Variants in CNTNAP2 observed in about 807,000 individuals in gnomAD.
The protein encoded by CNTNAP2 is contactin-associated protein-like 2.
CNTNAP2 carries 98 observed loss-of-function variants against 155.2 expected under a neutral mutation model. The observed-to-expected ratio is 0.63, with a 90% CI of 0.54 to 0.75. The LOEUF (loss-of-function observed/expected upper bound fraction) is 0.75. Ranked by LOEUF, CNTNAP2 falls within the 30% of genes least tolerant of loss-of-function variation. The pLI is 0.00. For missense variants in CNTNAP2, 1,727 were observed against 1,688.1 expected (o/e 1.02, Z -0.40); for synonymous variants, 651 against 631.2 (o/e 1.03, Z -0.47).
intron 1 of CNTNAP2, among the ~76,000 whole-genome samples, chr7:146,376,236 GA>G (rs944339815): frequency 5.9e-5 from 9 of 152,112 alleles, no homozygotes; most frequent in South Asian, 2.1e-4. Flanking sequence ...ATACAATGGG[GA>G]AAAAAATTGT....
chr7:146,912,574 A>C (rs1013719801), intron 3 of CNTNAP2, among the ~76,000 whole-genome samples: 2 of 152,092 alleles, frequency 1.3e-5, no homozygotes, highest in African/African-American at 4.8e-5. Flanking sequence ...TTTATATTCA[A>C]ATACCTGTAG....
intron 13 of CNTNAP2, among the ~76,000 whole-genome samples, chr7:147,865,474 A>G (rs1799211046): frequency 6.6e-6 from 1 of 151,960 alleles, no homozygotes; most frequent in South Asian, 2.1e-4. Context: ...TTCTTTTTCT[A>G]TTGATTGGAA....
chr7:147,666,094 C>T (rs530382620), intron 13 of CNTNAP2, among the ~76,000 whole-genome samples: 10 of 152,162 alleles, frequency 6.6e-5, no homozygotes, highest in East Asian at 1.9e-4. Context: ...AGCTGTAGGA[C>T]GAAAGCAGAA....
chr7:148,218,975 G>A (rs568820745), intron 19 of CNTNAP2, among the ~76,000 whole-genome samples: 4 of 117,480 alleles, frequency 3.4e-5, no homozygotes, highest in Admixed American at 1.2e-4. Flanking sequence ...ATGGAGTCTC[G>A]CTCCATCACC....
intron 21 of CNTNAP2, among the ~76,000 whole-genome samples, chr7:148,295,734 A>G (rs536248033): frequency 0.058 from 8,822 of 151,604 alleles, 336 homozygotes; most frequent in African/African-American, 0.11. Context: ...CTCGTGATCC[A>G]TCCGCCTCGG....
At chr7:148,014,330 T>C (rs1394801986) in intron 15 of CNTNAP2, 1 of 151,848 alleles carries the variant, frequency 6.6e-6, no homozygotes, top group East Asian at 1.9e-4. Flanking sequence ...ATGGGCTTTT[T>C]ACCGCTTTGA....
chr7:146,473,457 A>T (rs1047903736), intron 1 of CNTNAP2, among the ~76,000 whole-genome samples: 4 of 152,052 alleles, frequency 2.6e-5, no homozygotes, highest in African/African-American at 7.2e-5. Context: ...ACTTCAAAAC[A>T]GCCCACTTCT....
intron 1 of CNTNAP2, among the ~76,000 whole-genome samples, chr7:146,380,109 T>A (rs1795359966): frequency 6.6e-6 from 1 of 152,198 alleles, no homozygotes; most frequent in Non-Finnish European, 1.5e-5. Flanking sequence ...ACTTCTTAAA[T>A]GAAAATAAAA....
At chr7:146,670,478 A>T (rs1352333081) in intron 1 of CNTNAP2, among the ~76,000 whole-genome samples, 1 of 152,196 alleles carries the variant, frequency 6.6e-6, no homozygotes, top group Non-Finnish European at 1.5e-5. Context: ...TAGCAAAAAA[A>T]AAGTTTTAAA....
intron 1 of CNTNAP2, among the ~76,000 whole-genome samples, chr7:146,499,899 T>C (rs1487402587): frequency 2.0e-5 from 3 of 152,218 alleles, no homozygotes; most frequent in African/African-American, 7.2e-5. Flanking sequence ...TTTAGCAACA[T>C]TTTGCAGTTT....
intron 13 of CNTNAP2, among the ~76,000 whole-genome samples, chr7:147,678,119 C>G (rs913108693): frequency 4.6e-5 from 7 of 151,806 alleles, no homozygotes; most frequent in African/African-American, 1.7e-4. Context: ...TACTAACTGG[C>G]AGTTCCTTTC....
rs115773306 is a variant in CNTNAP2 at position 146,570,761 on chromosome 7, T to C, written c.98-203510T>C. ...TGTATGAAGAGTAATAATAATGATA[T>C]TAGAACAAAATGTAATTTCCTATCA... is the stretch of plus-strand genomic sequence containing the variant. On this transcript the variant is annotated intron_variant, in intron 1 of 23. Transcript: ENST00000361727. Among the ~76,000 whole-genome samples, 1,309 of 152,074 alleles carry C rather than the reference T, an allele frequency of 8.6e-3. 12 individuals are homozygous for C. The highest frequency in any genetic ancestry group is 0.03 in the African/African-American group (1,242 of 41,524).
chr7:148,262,522 G>A (rs1236024630), intron 20 of CNTNAP2, among the ~76,000 whole-genome samples: 1 of 152,066 alleles, frequency 6.6e-6, no homozygotes, highest in Non-Finnish European at 1.5e-5. Flanking sequence ...CTGTTTCCTT[G>A]CCTTTCTCAG....
intron 3 of CNTNAP2, among the ~76,000 whole-genome samples, chr7:146,856,368 G>A (rs1367766034): frequency 6.6e-6 from 1 of 151,890 alleles, no homozygotes; most frequent in Non-Finnish European, 1.5e-5. Context: ...TAGATAAAAT[G>A]AGGCAGAAGA....
intron 13 of CNTNAP2, among the ~76,000 whole-genome samples, chr7:147,797,509 T>TC (rs1036363300): frequency 3.6e-4 from 55 of 152,168 alleles, no homozygotes; most frequent in African/African-American, 1.2e-3. Flanking sequence ...TCTGCCAGCA[T>TC]CCCCCCAATA....
At chr7:146,280,331 C>T (rs377056476) in intron 1 of CNTNAP2, among the ~76,000 whole-genome samples, 7 of 152,108 alleles carry the variant, frequency 4.6e-5, no homozygotes, top group African/African-American at 1.4e-4. Context: ...GTAGTTGATA[C>T]GAACTTTTAT....
At chr7:146,267,065 A>T (rs960111928) in intron 1 of CNTNAP2, among the ~76,000 whole-genome samples, 2 of 152,136 alleles carry the variant, frequency 1.3e-5, no homozygotes, top group East Asian at 3.9e-4. Flanking sequence ...ACTGCATAAA[A>T]TAAAGGGAGA....
chr7:146,255,945 A>G (rs111449177), intron 1 of CNTNAP2, among the ~76,000 whole-genome samples: 1 of 152,188 alleles, frequency 6.6e-6, no homozygotes, highest in Non-Finnish European at 1.5e-5. Context: ...CCTCCCTTCT[A>G]AATTTTGACT....
intron 12 of CNTNAP2, among the ~76,000 whole-genome samples, chr7:147,595,678 C>T (rs1800814384): frequency 6.6e-6 from 1 of 152,194 alleles, no homozygotes; most frequent in Non-Finnish European, 1.5e-5. Flanking sequence ...AGCACTTGAT[C>T]ATTTGCGTGC....
Sources: allele counts gnomAD v4.1 joint callset (sites outside exome capture counted in the v4.1 genomes callset), GRCh38; gene constraint gnomAD v4.1.1; transcripts MANE v1.5; gene names NCBI Gene and HGNC (gene_info 2026-07-23, HGNC 2026-07-21).